The following SEC24A variants were observed in gnomAD, a reference collection of about 807,000 sequenced individuals.
SEC24A encodes SEC24 homolog A, COPII component, also known as protein transport protein Sec24A.
Under a neutral mutation model 129.4 loss-of-function variants are expected in SEC24A, and 93 were observed. That is an observed-to-expected ratio of 0.72 (90% CI 0.61 to 0.85). The LOEUF (loss-of-function observed/expected upper bound fraction) is 0.85. Among genes scored for constraint, SEC24A ranks in the 40% least tolerant of loss-of-function variants. The pLI is 0.00. For missense variants in SEC24A, 1,264 were observed against 1,307.4 expected (o/e 0.97, Z 0.51); for synonymous variants, 460 against 467.3 (o/e 0.98, Z 0.20).
At position 134,697,888 on chromosome 5, in the gene SEC24A, T is replaced by C; in HGVS notation, c.2108-11T>C. The C allele has an allele frequency of 6.2e-7, 1 of 1,607,926 alleles. No homozygotes were observed. The highest frequency in any genetic ancestry group is 8.5e-7 in the Non-Finnish European group (1 of 1,178,094). ...ACGGCACAGTTTAAAACAGTGTGTGTTCTCTTCCAGGTTGTATTTCTCGGT... is the reference window on the plus strand; with the variant it reads ...ACGGCACAGTTTAAAACAGTGTGTGCTCTCTTCCAGGTTGTATTTCTCGGT... On this transcript the variant is annotated splice_polypyrimidine_tract_variant and intron_variant, in intron 14 of 22. Coordinates refer to ENST00000398844, the MANE Select transcript of SEC24A (RefSeq NM_021982.3).
At position 134,676,082 on chromosome 5, in the gene SEC24A, A is replaced by G. The variant is rs747471438; in HGVS notation, c.1211A>G (p.Lys404Arg). Residue 404 changes from lysine to arginine, a missense_variant, in exon 7 of 23, where the codon AAA (lysine) becomes AGA (arginine). Transcript: ENST00000398844. ...PQTQALLNKAKLPLGLLLHPF... is the reference protein window; with the variant it reads ...PQTQALLNKARLPLGLLLHPF... ...ACGCAGGCCTTATTGAATAAAGCCA[A>G]ACTTCCTTTGGGGCTGCTGCTTCAT... 2.5e-5 allele frequency: 41 copies of G among 1,613,140 alleles called. No individual in the cohort carries two copies. Among genetic ancestry groups the G allele is most frequent in the Admixed American group, 6.7e-5 (4 of 59,876 alleles).
In SEC24A at chr5:134,725,195, T is replaced by C. The variant is rs1019817614; in HGVS notation, c.*101T>C. Reference sequence around the variant, plus strand: ...TTTTTCTATTATGTTTGTGGACTAATGTGATGATTGAGATGTTCTCACTGT... The same window carrying C: ...TTTTTCTATTATGTTTGTGGACTAACGTGATGATTGAGATGTTCTCACTGT... On this transcript the variant is annotated 3_prime_UTR_variant, in exon 23 of 23. Transcript: ENST00000398844. 2 of 640,658 alleles carry C rather than the reference T, an allele frequency of 3.1e-6. No homozygotes were observed. Among genetic ancestry groups the C allele is most frequent in the Non-Finnish European group, 5.5e-6 (2 of 364,618 alleles). The allele number at this position is 640,658 out of a possible 1,614,324, so 39.7% of individuals were successfully genotyped here.
intron 22 of SEC24A, among the ~76,000 whole-genome samples, chr5:134,724,571 A>G (rs1219833168): frequency 6.6e-6 from 1 of 151,848 alleles, no homozygotes; most frequent in Non-Finnish European, 1.5e-5. Flanking sequence ...CTGGGCAACA[A>G]GAGTAAAACT....
At chr5:134,670,762 C>T (rs1432403628) in intron 3 of SEC24A, among the ~76,000 whole-genome samples, 4 of 152,058 alleles carry the variant, frequency 2.6e-5, no homozygotes, top group African/African-American at 9.6e-5. Context: ...GGCCAAGGCA[C>T]GCGGATCACG....
chr5:134,672,157 A>G (rs1422456998), intron 4 of SEC24A, among the ~76,000 whole-genome samples: 1 of 151,992 alleles, frequency 6.6e-6, no homozygotes, highest in Admixed American at 6.6e-5. Context: ...AGCTGGGACC[A>G]TAGCCACGTG....
chr5:134,661,925 A>G (rs1236900979), intron 2 of SEC24A, among the ~76,000 whole-genome samples: 2 of 148,752 alleles, frequency 1.3e-5, no homozygotes, highest in African/African-American at 5.0e-5. Context: ...TGGTTCAAGC[A>G]ATTTTCCTGC....
intron 9 of SEC24A, among the ~76,000 whole-genome samples, chr5:134,684,987 T>C (rs181424187): frequency 4.6e-5 from 7 of 152,252 alleles, no homozygotes; most frequent in Admixed American, 2.6e-4. Context: ...TGCAAAAATA[T>C]ATAAAAGTAC....
At chr5:134,652,204 G>A (rs1750081012) in intron 1 of SEC24A, among the ~76,000 whole-genome samples, 1 of 152,016 alleles carries the variant, frequency 6.6e-6, no homozygotes, top group Admixed American at 6.6e-5. Flanking sequence ...TTACAGGCGT[G>A]AGCCACCGCG....
At chr5:134,682,252 A>G (rs919791788) in intron 8 of SEC24A, 121 bp from the exon 9 acceptor site, 3 of 569,014 alleles carry the variant, frequency 5.3e-6, no homozygotes, top group South Asian at 2.3e-5. Flanking sequence ...CAAAAAAAAA[A>G]AAGAAAATAA....
At chr5:134,683,130 C>T (rs542744977) in intron 9 of SEC24A, among the ~76,000 whole-genome samples, 2 of 152,116 alleles carry the variant, frequency 1.3e-5, no homozygotes, top group East Asian at 3.9e-4. Flanking sequence ...TCAAGCAATT[C>T]TCCTGCCTCA....
chr5:134,676,186 C>A, intron 7 of SEC24A, 61 bp downstream of exon 7: 2 of 1,273,446 alleles, frequency 1.6e-6, no homozygotes, highest in Non-Finnish European at 2.2e-6. Flanking sequence ...GTCGCCCAGG[C>A]TGGAGTGCAG....
At chr5:134,667,053 T>C in intron 3 of SEC24A, 57 bp downstream of exon 3, 1 of 1,395,020 alleles carries the variant, frequency 7.2e-7, no homozygotes, top group Non-Finnish European at 9.7e-7. Context: ...GGTAGAAAGA[T>C]GAATATTAGC....
intron 18 of SEC24A, among the ~76,000 whole-genome samples, chr5:134,709,859 A>G (rs979610407): frequency 1.3e-5 from 2 of 151,994 alleles, no homozygotes. Flanking sequence ...ATTTTATTTT[A>G]TTGGCTCTTT....
At chr5:134,701,607 G>T (rs755927643) in intron 15 of SEC24A, among the ~76,000 whole-genome samples, 1 of 151,622 alleles carries the variant, frequency 6.6e-6, no homozygotes, top group Non-Finnish European at 1.5e-5. Flanking sequence ...GCCTCCCGGG[G>T]TCCAGTGATT....
At chr5:134,708,263 A>G (rs2150107730) in intron 17 of SEC24A, among the ~76,000 whole-genome samples, 1 of 152,314 alleles carries the variant, frequency 6.6e-6, no homozygotes, top group South Asian at 2.1e-4. Context: ...TGAGGCCAGG[A>G]GTTTGAGATC....
chr5:134,700,656 T>C (rs554765760), intron 15 of SEC24A, among the ~76,000 whole-genome samples: 3 of 151,932 alleles, frequency 2.0e-5, no homozygotes, highest in African/African-American at 7.2e-5. Flanking sequence ...GTCTCTCTTA[T>C]CTATCCTTCA....
At position 134,718,309 on chromosome 5, in the gene SEC24A, T is replaced by C. The variant is rs182958844; in HGVS notation, c.2970+136T>C. 2.5e-4 allele frequency: 141 copies of C among 564,706 alleles called. 1 individual carries two copies. The highest frequency in any genetic ancestry group is 1.5e-3 in the Admixed American group (53 of 35,908). The allele number at this position is 564,706 out of a possible 1,614,324, so 35.0% of individuals were successfully genotyped here. ...TAACCTATATACAGTCGTACACTGA[T>C]TAATGATGTGTAAGTCATGGCTTAT... is the stretch of plus-strand genomic sequence containing the variant. On this transcript the variant is annotated intron_variant, in intron 20 of 22. Coordinates refer to ENST00000398844, the MANE Select transcript of SEC24A (RefSeq NM_021982.3).
intron 2 of SEC24A, among the ~76,000 whole-genome samples, chr5:134,662,967 C>T (rs770555166): frequency 1.5e-4 from 23 of 151,684 alleles, no homozygotes; most frequent in African/African-American, 1.9e-4. Flanking sequence ...CACTGCGCTC[C>T]GGCCTAGGTG....
intron 4 of SEC24A, among the ~76,000 whole-genome samples, chr5:134,674,158 A>C (rs1402895079): frequency 2.0e-5 from 3 of 152,112 alleles, no homozygotes; most frequent in Admixed American, 2.0e-4. Context: ...AAATAAAATA[A>C]AATAAATAGA....
Sources: gnomAD v4.1 joint callset for allele counts (sites outside exome capture counted in the v4.1 genomes callset) on GRCh38, gnomAD v4.1.1 for gene constraint, MANE v1.5 for transcripts, NCBI Gene and HGNC (gene_info 2026-07-23, HGNC 2026-07-21) for gene names.